Variants in HCLS1 observed in about 807,000 individuals in gnomAD.
HCLS1 encodes the protein hematopoietic cell-specific Lyn substrate 1.
A neutral mutation model predicts 68.6 loss-of-function variants in HCLS1; 44 were observed. The observed-to-expected ratio is 0.64, with a 90% CI of 0.50 to 0.82. HCLS1 has a LOEUF of 0.82. Among genes scored for constraint, HCLS1 ranks in the 40% least tolerant of loss-of-function variants. The pLI is 0.00. For synonymous variants in HCLS1, 217 were observed against 225.8 expected (o/e 0.96, Z 0.35); for missense variants, 602 against 612.1 (o/e 0.98, Z 0.17).
intron 4 of HCLS1, among the ~76,000 whole-genome samples, chr3:121,646,009 T>C (rs1333522255): frequency 2.3e-5 from 3 of 132,680 alleles, no homozygotes; most frequent in Non-Finnish European, 4.6e-5. Context: ...ATAAATATAT[T>C]TATAAATAAT....
chr3:121,637,333 G>A (rs1576461982), intron 6 of HCLS1, 77 bp from the exon 7 acceptor site: 2 of 918,316 alleles, frequency 2.2e-6, no homozygotes, highest in East Asian at 4.8e-5. Flanking sequence ...AGAGAGGTCA[G>A]CAGGAATGGG....
At chr3:121,648,845 G>C (rs975839732) in intron 3 of HCLS1, among the ~76,000 whole-genome samples, 1 of 152,154 alleles carries the variant, frequency 6.6e-6, no homozygotes, top group African/African-American at 2.4e-5. Flanking sequence ...CTCTGGCAGC[G>C]TTGAAAGCAG....
At chr3:121,636,603 G>A (rs2049153476) in intron 7 of HCLS1, 114 bp from the exon 8 acceptor site, 1 of 819,346 alleles carries the variant, frequency 1.2e-6, no homozygotes, top group South Asian at 1.5e-5. Context: ...GAGGAAATGT[G>A]AGAATCAGAG....
rs1354646103 is a variant in HCLS1, at chr3:121,633,068, T to C, written c.1007A>G (p.Glu336Gly). The C allele has an allele frequency of 1.2e-6, 2 of 1,603,122 alleles. No individual in the cohort carries two copies. Among genetic ancestry groups the C allele is most frequent in the Non-Finnish European group, 1.7e-6 (2 of 1,170,588 alleles). ...PLLPIRQTLP[E>G]DNEEPPALPP... ...GAGAATCTTTGGGGGTTTGCTTACC[T>C]CCGGGAGAGTCTGCCTAATGGGCAG... Residue 336 changes from glutamate (E) to glycine (G), a missense_variant and splice_region_variant, in exon 11 of 14, where the codon GAG (glutamate) becomes GGG (glycine). Transcript: ENST00000314583.
chr3:121,634,480 C>G (rs139051946), intron 9 of HCLS1, 62 bp from the exon 10 acceptor site: 2 of 1,480,376 alleles, frequency 1.4e-6, no homozygotes, highest in East Asian at 4.5e-5. Context: ...AAGGGCATGG[C>G]ACTTGAAGGA....
intron 6 of HCLS1, among the ~76,000 whole-genome samples, chr3:121,641,296 CA>C (rs1165992157): frequency 1.4e-4 from 21 of 151,912 alleles, no homozygotes; most frequent in African/African-American, 5.1e-4. Flanking sequence ...ATAAGATCTT[CA>C]AAGTGATGAA....
chr3:121,637,261 G>C lies in HCLS1; in HGVS notation c.455-5C>G, dbSNP rs776611275. On this transcript the variant is annotated splice_region_variant and splice_polypyrimidine_tract_variant and intron_variant, in intron 6 of 13. Coordinates refer to ENST00000314583, the MANE Select transcript of HCLS1 (RefSeq NM_005335.6). ...CACCAAAGCCACGAGAGTAATCTGTGGTCGAAGGAGCAGTCATGAGAGCCC... is the reference window on the plus strand; with the variant it reads ...CACCAAAGCCACGAGAGTAATCTGTCGTCGAAGGAGCAGTCATGAGAGCCC... The C allele has an allele frequency of 6.2e-7, 1 of 1,605,614 alleles. No homozygotes were observed. Among genetic ancestry groups the C allele is most frequent in the Non-Finnish European group, 8.5e-7 (1 of 1,172,314 alleles).
chr3:121,658,296 C>T lies in HCLS1; in HGVS notation c.52G>A (p.Gly18Ser). The change falls in exon 2 of 14, where the codon GGT becomes AGT. Residue 18 changes from glycine to serine, a missense_variant. Physicochemically the swap from Gly to Ser is moderately conservative, Grantham distance 56. Coordinates refer to ENST00000314583, the MANE Select transcript of HCLS1 (RefSeq NM_005335.6). ...TCAGGATCTGTGTCCCAATCATCACCCTGGGTCTCCACGGAAACAGACACA... is the reference window on the plus strand; with the variant it reads ...TCAGGATCTGTGTCCCAATCATCACTCTGGGTCTCCACGGAAACAGACACA... ...HDVSVSVETQ[G>S]DDWDTDPDFV... 6.2e-7 allele frequency: 1 copy of T among 1,613,984 alleles called. No individual in the cohort carries two copies. The highest frequency in any genetic ancestry group is 8.5e-7 in the Non-Finnish European group (1 of 1,179,924).
In HCLS1 at chr3:121,658,465, A is replaced by G. The variant is rs528717768; in HGVS notation, c.1-118T>C. 3 of 742,650 alleles carry G rather than the reference A, an allele frequency of 4.0e-6. No homozygotes were observed. In the East Asian group the frequency reaches 8.0e-5, roughly 20 times the overall value. The allele number at this position is 742,650 out of a possible 1,614,324, so 46.0% of individuals were successfully genotyped here. On this transcript the variant is annotated intron_variant, in intron 1 of 13. Coordinates refer to ENST00000314583, the MANE Select transcript of HCLS1 (RefSeq NM_005335.6). ...TATTTCCTGCCATTTTTTTTTTCTTAGAAGAAAATAGAAAATGAAGCAAAG... is the reference window on the plus strand; with the variant it reads ...TATTTCCTGCCATTTTTTTTTTCTTGGAAGAAAATAGAAAATGAAGCAAAG...
At chr3:121,646,890 G>GTATATAATTA (rs1430060736) in intron 4 of HCLS1, among the ~76,000 whole-genome samples, 1 of 141,450 alleles carries the variant, frequency 7.1e-6, no homozygotes, top group African/African-American at 2.6e-5. Context: ...TATTATAGAG[G>GTATATAATTA]TATATAATTA....
chr3:121,655,518 T>C (rs958659587), intron 3 of HCLS1: 1 of 136,858 alleles, frequency 7.3e-6, no homozygotes, highest in Non-Finnish European at 1.5e-5. Context: ...CAAGTCGTCA[T>C]GGCGGAGTGT....
At position 121,632,145 on chromosome 3, in the gene HCLS1, A is replaced by ACAGCCC. The variant is rs757104479; in HGVS notation, c.1274_1279dup (p.Gly425_Ala426dup). On this transcript the variant is annotated inframe_insertion, in exon 13 of 14. Transcript: ENST00000314583. ...AGCCACAGCTGAGATCCCCAGAGCC[A>ACAGCCC]CAGCCCCAGCCCCAGCCCCAGCCGG... 50 of 1,612,466 alleles carry ACAGCCC rather than the reference A, an allele frequency of 3.1e-5. No homozygotes were observed. Among genetic ancestry groups the ACAGCCC allele is most frequent in the East Asian group, 4.5e-5 (2 of 44,896 alleles).
chr3:121,645,072 G>A (rs573817339), intron 4 of HCLS1, 144 bp from the exon 5 acceptor site: 17 of 642,710 alleles, frequency 2.6e-5, no homozygotes, highest in South Asian at 1.1e-4. Flanking sequence ...CAAGGAATAC[G>A]CGATGGGAGA....
chr3:121,659,774 A>G (rs1347034266), intron 1 of HCLS1, among the ~76,000 whole-genome samples: 1 of 152,096 alleles, frequency 6.6e-6, no homozygotes. Context: ...CAACAACAAA[A>G]GGACTGTCAC....
intron 6 of HCLS1, 87 bp downstream of exon 6, chr3:121,642,840 G>T: frequency 9.6e-7 from 1 of 1,037,596 alleles, no homozygotes; most frequent in Non-Finnish European, 1.5e-6. Flanking sequence ...AAGTTAAAAA[G>T]CTGATGACAA....
intron 4 of HCLS1, among the ~76,000 whole-genome samples, chr3:121,646,367 CATATTATTACTATGTA>C (rs1261393263): frequency 7.6e-5 from 4 of 52,840 alleles, no homozygotes; most frequent in Admixed American, 3.0e-4. Context: ...CATTATATTA[CATATTATTACTATGTA>C]ATATATTACT....
intron 3 of HCLS1, chr3:121,655,680 G>GTTTTTTTTTTTTTTTTTTTTTTTTT (rs4048704): frequency 8.5e-6 from 1 of 118,306 alleles, no homozygotes; most frequent in South Asian, 2.9e-4. Context: ...GGGTCTTGTG[G>GTTTTTTTTTTTTTTTTTTTTTTTTT]TTTTTTTTTT....
intron 3 of HCLS1, among the ~76,000 whole-genome samples, chr3:121,652,165 A>T (rs1196746949): frequency 6.6e-6 from 1 of 152,240 alleles, no homozygotes; most frequent in Non-Finnish European, 1.5e-5. Context: ...TTCTGTTTGC[A>T]TGAAATTCTA....
At chr3:121,642,702 G>A (rs1031773407) in intron 6 of HCLS1, among the ~76,000 whole-genome samples, 2 of 152,062 alleles carry the variant, frequency 1.3e-5, no homozygotes, top group Non-Finnish European at 2.9e-5. Flanking sequence ...CTTGAGCCCA[G>A]GAAGTCGAAG....
Sources: allele counts gnomAD v4.1 joint callset (sites outside exome capture counted in the v4.1 genomes callset), GRCh38; gene constraint gnomAD v4.1.1; transcripts MANE v1.5; gene names NCBI Gene and HGNC (gene_info 2026-07-23, HGNC 2026-07-21).